LRCH3: variants seen among roughly 807,000 people sequenced by gnomAD.
LRCH3 encodes the protein leucine rich repeats and calponin homology domain containing 3.
A neutral mutation model predicts 104.5 loss-of-function variants in LRCH3; 68 were observed. That is an observed-to-expected ratio of 0.65 (90% CI 0.54 to 0.80). The LOEUF (loss-of-function observed/expected upper bound fraction) is 0.80. LRCH3 is among the 30% of genes least tolerant of loss of function. The pLI, the probability that LRCH3 is intolerant of heterozygous loss-of-function variation, is 0.00. For synonymous variants in LRCH3, 344 were observed against 361.3 expected (o/e 0.95, Z 0.54); for missense variants, 951 against 953.9 (o/e 1.00, Z 0.04).
intron 10 of LRCH3, among the ~76,000 whole-genome samples, chr3:197,844,858 G>T: frequency 6.6e-6 from 1 of 152,050 alleles, no homozygotes; most frequent in Non-Finnish European, 1.5e-5. Flanking sequence ...CTGACTTTGT[G>T]ATCCGCCCGC....
At chr3:197,880,887 T>TTAG in intron 20 of LRCH3, 1 of 1,434,950 alleles carries the variant, frequency 7.0e-7, no homozygotes, top group South Asian at 1.5e-5. Flanking sequence ...CCCCCTCACA[T>TTAG]TAGTAAACAT....
At position 197,886,818 on chromosome 3, in the gene LRCH3, A is replaced by AAAG. The variant is rs1553794313; in HGVS notation, c.*3154_*3155insGAA. The AAAG allele has an allele frequency of 6.6e-6, 1 of 151,976 alleles. No homozygotes were observed. Among genetic ancestry groups the AAAG allele is most frequent in the African/African-American group, 2.4e-5 (1 of 41,334 alleles). The allele number at this position is 151,976 out of a possible 1,614,324, so 9.4% of individuals were successfully genotyped here. ...AGACTCTGTCTCAAAAAAAAAAAAA[A>AAAG]AAAAAAACCCACCAAACCAAAAATA... On this transcript the variant is annotated 3_prime_UTR_variant, in exon 21 of 21. Transcript: ENST00000425562.
chr3:197,837,611 A>T (rs10428203), intron 9 of LRCH3, among the ~76,000 whole-genome samples: 1,797 of 152,292 alleles, frequency 0.012, 35 homozygotes, highest in African/African-American at 0.041. Flanking sequence ...ATTTAATTTT[A>T]TTATAATACT....
chr3:197,792,634 T>A (rs60144201), intron 1 of LRCH3, among the ~76,000 whole-genome samples: 1 of 107,986 alleles, frequency 9.3e-6, no homozygotes, highest in East Asian at 2.9e-4. Context: ...AATATACATA[T>A]AAATATTATA....
intron 13 of LRCH3, among the ~76,000 whole-genome samples, chr3:197,853,410 G>A (rs1005810139): frequency 2.0e-5 from 3 of 151,976 alleles, no homozygotes; most frequent in South Asian, 4.2e-4. Context: ...GGCTGGTCTC[G>A]AACTCCTGAC....
intron 1 of LRCH3, among the ~76,000 whole-genome samples, chr3:197,797,886 A>AAAAAC (rs1731434931): frequency 7.0e-6 from 1 of 142,564 alleles, no homozygotes; most frequent in African/African-American, 2.7e-5. Context: ...AAAAAAACAA[A>AAAAAC]AAAAAAAACA....
intron 12 of LRCH3, 30 bp from the exon 13 acceptor site, chr3:197,852,530 TC>T: frequency 6.2e-7 from 1 of 1,611,694 alleles, no homozygotes; most frequent in Non-Finnish European, 8.5e-7. Context: ...CTAACCAACT[TC>T]CTTTTTTGGG....
chr3:197,847,723 G>C, intron 11 of LRCH3, 149 bp from the exon 12 acceptor site: 1 of 102,868 alleles, frequency 9.7e-6, no homozygotes, highest in South Asian at 2.1e-4. Context: ...GACGGGAAAA[G>C]ATTAGCCAAT....
intron 1 of LRCH3, among the ~76,000 whole-genome samples, chr3:197,814,698 G>A (rs1733607462): frequency 6.6e-6 from 1 of 152,180 alleles, no homozygotes; most frequent in Non-Finnish European, 1.5e-5. Flanking sequence ...TGTGCCTTTA[G>A]GAAGGTGGAT....
rs542405351 is a variant in LRCH3 at position 197,887,920 on chromosome 3, A to G, written c.*4254A>G. The stretch of plus-strand genomic sequence containing the variant: ...TATTTCAGACTCATAATCTGTGTTT[A>G]GCACTCCAGTGTTCTCTTGTAATAG... On this transcript the variant is annotated 3_prime_UTR_variant, in exon 21 of 21. Coordinates refer to ENST00000425562, the MANE Select transcript of LRCH3 (RefSeq NM_001365715.1). The G allele has an allele frequency of 6.5e-6, 1 of 152,702 alleles. No homozygotes were observed. Among genetic ancestry groups the G allele is most frequent in the Non-Finnish European group, 1.5e-5 (1 of 68,252 alleles). The allele number at this position is 152,702 out of a possible 1,614,324, so 9.5% of individuals were successfully genotyped here.
chr3:197,879,539 G>T (rs540747688), intron 20 of LRCH3, among the ~76,000 whole-genome samples: 3 of 151,958 alleles, frequency 2.0e-5, no homozygotes, highest in Non-Finnish European at 4.4e-5. Context: ...CCAGCTGCTC[G>T]GGAGGCTGAG....
chr3:197,863,332 G>A (rs770940781), intron 15 of LRCH3, among the ~76,000 whole-genome samples: 1 of 151,960 alleles, frequency 6.6e-6, no homozygotes, highest in Non-Finnish European at 1.5e-5. Context: ...GCGCCATCTC[G>A]GCTCACTGCA....
intron 9 of LRCH3, among the ~76,000 whole-genome samples, chr3:197,836,752 A>G (rs962732191): frequency 6.6e-6 from 1 of 152,186 alleles, no homozygotes; most frequent in Non-Finnish European, 1.5e-5. Flanking sequence ...ATCTCGGCTT[A>G]CTGCAGCCTC....
chr3:197,820,136 T>A (rs1734320936), intron 3 of LRCH3, among the ~76,000 whole-genome samples, 189 bp from the exon 4 acceptor site: 1 of 152,258 alleles, frequency 6.6e-6, no homozygotes, highest in South Asian at 2.1e-4. Context: ...TTTTGGCTGA[T>A]CTCAGAATTA....
At chr3:197,861,730 G>GT (rs537698754) in intron 15 of LRCH3, among the ~76,000 whole-genome samples, 109 of 150,160 alleles carry the variant, frequency 7.3e-4, no homozygotes, top group East Asian at 1.6e-3. Flanking sequence ...TCAGTTCTGG[G>GT]TTTTTTTTTC....
chr3:197,817,614 T>A (rs1274488171), intron 3 of LRCH3, among the ~76,000 whole-genome samples: 2 of 151,596 alleles, frequency 1.3e-5, no homozygotes, highest in African/African-American at 4.8e-5. Context: ...TATTAAATGA[T>A]TTCTGTGTCA....
At chr3:197,871,665 C>A (rs571739873) in intron 19 of LRCH3, 15 of 581,414 alleles carry the variant, frequency 2.6e-5, no homozygotes, top group African/African-American at 2.2e-4. Context: ...GTAAGAAAGG[C>A]ATGTACAGTG....
At chr3:197,824,468 G>A (rs13433915) in intron 4 of LRCH3, among the ~76,000 whole-genome samples, 11,126 of 149,384 alleles carry the variant, frequency 0.074, 1,541 homozygotes, top group African/African-American at 0.25. Context: ...CAGGCTTTCT[G>A]GTCAGACCAG....
At chr3:197,871,299 C>G (rs1560600791) in intron 18 of LRCH3, 26 bp from the exon 19 acceptor site, 12 of 1,564,398 alleles carry the variant, frequency 7.7e-6, no homozygotes, top group Middle Eastern at 1.7e-4. Context: ...TTCAATTAAT[C>G]TATTACATGT....
Sources: allele counts gnomAD v4.1 joint callset (sites outside exome capture counted in the v4.1 genomes callset), GRCh38; gene constraint gnomAD v4.1.1; transcripts MANE v1.5; gene names NCBI Gene and HGNC (gene_info 2026-07-23, HGNC 2026-07-21).